The following FHOD3 variants were observed in gnomAD, a reference collection of about 807,000 sequenced individuals.
The protein encoded by FHOD3 is FH1/FH2 domain-containing protein 3.
Under a neutral mutation model 173.0 loss-of-function variants are expected in FHOD3, and 90 were observed. That is an observed-to-expected ratio of 0.52 (90% CI 0.44 to 0.62). FHOD3 has a LOEUF of 0.62. FHOD3 is among the 20% of genes least tolerant of loss of function. FHOD3 has a pLI of 0.00. For synonymous variants in FHOD3, 828 were observed against 823.0 expected, an observed-to-expected ratio of 1.01 and a Z score of -0.10; for missense variants, 1,945 against 2,034.7, an observed-to-expected ratio of 0.96 and a Z score of 0.85.
At chr18:36,396,024 A>G (rs770858552) in intron 3 of FHOD3, among the ~76,000 whole-genome samples, 6 of 152,176 alleles carry the variant, frequency 3.9e-5, no homozygotes, top group South Asian at 2.1e-4. Flanking sequence ...GTTTATTGGT[A>G]TGCTTTATAA....
At chr18:36,552,862 A>T (rs980049462) in intron 5 of FHOD3, among the ~76,000 whole-genome samples, 1 of 152,146 alleles carries the variant, frequency 6.6e-6, no homozygotes, top group African/African-American at 2.4e-5. Context: ...TATGTTGAAT[A>T]GGAGTGATGA....
At chr18:36,321,855 C>T (rs988157932) in intron 1 of FHOD3, among the ~76,000 whole-genome samples, 3 of 152,176 alleles carry the variant, frequency 2.0e-5, no homozygotes, top group African/African-American at 7.2e-5. Flanking sequence ...TTCACTCTGC[C>T]GAGTCCTGTG....
rs8082907 is a variant in FHOD3 at position 36,668,191 on chromosome 18, A to G, written c.1835+10003A>G. On this transcript the variant is annotated intron_variant, in intron 14 of 28. Coordinates refer to ENST00000590592, the MANE Select transcript of FHOD3 (RefSeq NM_001281740.3). The stretch of plus-strand genomic sequence containing the variant: ...TAAAACCACAAATTCAATGCCTCTA[A>G]TAGATATTTATCTTATATTCTTATC... 9.1e-3 allele frequency among the ~76,000 whole-genome samples: 1,390 copies of G among 152,294 alleles called. 26 individuals are homozygous for G. Among genetic ancestry groups the G allele is most frequent in the African/African-American group, 0.031 (1,299 of 41,570 alleles).
At chr18:36,522,591 A>G (rs1051445306) in intron 5 of FHOD3, among the ~76,000 whole-genome samples, 2 of 152,240 alleles carry the variant, frequency 1.3e-5, no homozygotes, top group African/African-American at 4.8e-5. Context: ...TGCCTCTGAA[A>G]TAGATGGACT....
At chr18:36,430,038 T>A (rs1443426172) in intron 3 of FHOD3, among the ~76,000 whole-genome samples, 1 of 152,186 alleles carries the variant, frequency 6.6e-6, no homozygotes, top group Non-Finnish European at 1.5e-5. Context: ...TGGTTCTGGG[T>A]GTGAAGCTGA....
intron 28 of FHOD3, among the ~76,000 whole-genome samples, chr18:36,777,025 A>C (rs1440538166): frequency 6.6e-6 from 1 of 152,182 alleles, no homozygotes; most frequent in East Asian, 1.9e-4. Context: ...ATTGTTAAGC[A>C]TCTTTAAATA....
chr18:36,702,956 A>C (rs1485299163), intron 17 of FHOD3, among the ~76,000 whole-genome samples: 5 of 152,210 alleles, frequency 3.3e-5, no homozygotes, highest in African/African-American at 4.8e-5. Flanking sequence ...TCCAGGTTCA[A>C]ATGCAAGCTC....
At chr18:36,650,840 A>G (rs1404399455) in intron 11 of FHOD3, among the ~76,000 whole-genome samples, 2 of 152,188 alleles carry the variant, frequency 1.3e-5, no homozygotes, top group African/African-American at 4.8e-5. Context: ...TCTACCTAGG[A>G]TTTTTATTAT....
intron 15 of FHOD3, among the ~76,000 whole-genome samples, chr18:36,681,949 T>C (rs1346088628): frequency 2.6e-5 from 4 of 152,234 alleles, no homozygotes; most frequent in African/African-American, 9.6e-5. Flanking sequence ...AAAGAAATGC[T>C]TTTCCCACTT....
At chr18:36,352,007 CA>C (rs758335917) in intron 1 of FHOD3, among the ~76,000 whole-genome samples, 170 of 152,242 alleles carry the variant, frequency 1.1e-3, no homozygotes, top group Non-Finnish European at 2.1e-3. Flanking sequence ...TTAGGTACCT[CA>C]ACTGAATGGC....
chr18:36,716,742 C>A (rs1028569353), intron 18 of FHOD3, among the ~76,000 whole-genome samples: 2 of 152,060 alleles, frequency 1.3e-5, no homozygotes, highest in South Asian at 4.1e-4. Flanking sequence ...GTGGTGGGAG[C>A]AATAGCTCCC....
chr18:36,358,595 C>T (rs2046467887), intron 2 of FHOD3, among the ~76,000 whole-genome samples: 1 of 152,152 alleles, frequency 6.6e-6, no homozygotes, highest in African/African-American at 2.4e-5. Context: ...GAAGGTGGGA[C>T]TCAAGACTTG....
chr18:36,524,259 G>T lies in FHOD3; in HGVS notation c.511+11716G>T, dbSNP rs140867881. ...ACTGTGCCACTGCACTCTAGCCTGG[G>T]TGACAGAGTGAGGCTCTACCTCAAA... is the stretch of plus-strand genomic sequence containing the variant. On this transcript the variant is annotated intron_variant, in intron 5 of 28. Transcript: ENST00000590592. Among the ~76,000 whole-genome samples, 200 of 150,480 alleles carry T rather than the reference G, an allele frequency of 1.3e-3. 5 individuals carry two copies. In the East Asian group the frequency reaches 0.034, roughly 26 times the overall value.
At chr18:36,517,775 A>G (rs1159257428) in intron 5 of FHOD3, among the ~76,000 whole-genome samples, 1 of 152,236 alleles carries the variant, frequency 6.6e-6, no homozygotes, top group East Asian at 1.9e-4. Context: ...AAATGTTTTA[A>G]TGGTTGTCAG....
chr18:36,481,020 GTT>G (rs35793521), intron 3 of FHOD3, among the ~76,000 whole-genome samples: 1,360 of 104,434 alleles, frequency 0.013, 13 homozygotes, highest in African/African-American at 0.022. Flanking sequence ...TTGGGAGGTG[GTT>G]TTTTTTTTTT....
intron 14 of FHOD3, among the ~76,000 whole-genome samples, chr18:36,676,649 A>G (rs949228147): frequency 2.0e-5 from 3 of 152,298 alleles, no homozygotes; most frequent in Non-Finnish European, 2.9e-5. Flanking sequence ...GAAGCAGTGT[A>G]TGAGTTATTC....
At chr18:36,681,984 A>T (rs543993625) in intron 15 of FHOD3, among the ~76,000 whole-genome samples, 2 of 152,320 alleles carry the variant, frequency 1.3e-5, no homozygotes, top group East Asian at 3.9e-4. Context: ...TGATCCCTGT[A>T]ACAATCTTCA....
chr18:36,658,337 C>A, intron 14 of FHOD3, 149 bp downstream of exon 14: 2 of 573,594 alleles, frequency 3.5e-6, no homozygotes, highest in Admixed American at 8.3e-5. Context: ...GGAATATTTT[C>A]TCTTTCTTTC....
At chr18:36,443,183 A>G (rs762465653) in intron 3 of FHOD3, among the ~76,000 whole-genome samples, 2 of 152,140 alleles carry the variant, frequency 1.3e-5, no homozygotes, top group Non-Finnish European at 2.9e-5. Context: ...TCAATAAGAT[A>G]CTCTGAAATT....
Sources: allele counts gnomAD v4.1 joint callset (sites outside exome capture counted in the v4.1 genomes callset), GRCh38; gene constraint gnomAD v4.1.1; transcripts MANE v1.5; gene names NCBI Gene and HGNC (gene_info 2026-07-23, HGNC 2026-07-21).